PLCG2: variants seen among roughly 807,000 people sequenced by gnomAD.
PLCG2 encodes phospholipase C gamma 2.
In PLCG2, 69 loss-of-function variants were observed where a neutral mutation model predicts 175.6. The ratio of observed to expected loss-of-function variants is 0.39; its 90% confidence interval spans 0.32 to 0.48. The LOEUF is 0.48. PLCG2 is among the 20% of genes least tolerant of loss of function. PLCG2 has a pLI of 0.91. For missense variants in PLCG2, 1,798 were observed against 1,650.9 expected, an observed-to-expected ratio of 1.09 and a Z score of -1.54; for synonymous variants, 827 against 624.0, an observed-to-expected ratio of 1.33 and a Z score of -4.85.
At chr16:81,927,703 G>A (rs532175160) in intron 23 of PLCG2, among the ~76,000 whole-genome samples, 2 of 152,142 alleles carry the variant, frequency 1.3e-5, no homozygotes, top group African/African-American at 2.4e-5. Flanking sequence ...TTAAGATCCC[G>A]TTAGACCCCC....
chr16:81,827,616 AT>A (rs1054384350), intron 2 of PLCG2, among the ~76,000 whole-genome samples: 1 of 152,138 alleles, frequency 6.6e-6, no homozygotes, highest in African/African-American at 2.4e-5. Context: ...ACAAATGACA[AT>A]AAACACAGGC....
chr16:81,809,356 T>G (rs1904298603), intron 2 of PLCG2, among the ~76,000 whole-genome samples: 2 of 152,122 alleles, frequency 1.3e-5, no homozygotes, highest in African/African-American at 2.4e-5. Context: ...CCCAGCTCCC[T>G]CACCCTCAGT....
upstream of PLCG2, among the ~76,000 whole-genome samples, chr16:81,776,082 TCTCTC>T (rs1567456691): frequency 3.8e-4 from 5 of 13,040 alleles, 1 homozygote; most frequent in Non-Finnish European, 8.4e-4. Context: ...TTTCTCTCTC[TCTCTC>T]TCTTTCTTTC....
intron 2 of PLCG2, among the ~76,000 whole-genome samples, chr16:81,847,115 C>A (rs930223080): frequency 6.6e-6 from 1 of 152,180 alleles, no homozygotes; most frequent in South Asian, 2.1e-4. Flanking sequence ...GTTCCAATAA[C>A]CCACTCCTTG....
At chr16:81,853,586 T>G (rs1906531025) in intron 2 of PLCG2, among the ~76,000 whole-genome samples, 1 of 152,180 alleles carries the variant, frequency 6.6e-6, no homozygotes, top group Non-Finnish European at 1.5e-5. Context: ...CACCGTAGGG[T>G]TTGCGCCCCT....
intron 2 of PLCG2, among the ~76,000 whole-genome samples, chr16:81,845,709 C>A (rs1005562383): frequency 4.6e-5 from 7 of 152,328 alleles, no homozygotes; most frequent in African/African-American, 1.7e-4. Context: ...GCTCTGCACC[C>A]CTGTGGGTAG....
At position 81,900,466 on chromosome 16, in the gene PLCG2, C is replaced by A. The variant is rs900030100; in HGVS notation, c.1194-146C>A. 28 of 612,370 alleles carry A rather than the reference C, an allele frequency of 4.6e-5. 1 individual carries two copies. Among genetic ancestry groups the A allele is most frequent in the Middle Eastern group, 9.4e-4 (2 of 2,126 alleles). 37.9% of individuals were successfully genotyped at this position (612,370 alleles called of 1,614,324 possible). A position where few individuals can be genotyped will look rare whatever the true frequency, so the allele number is the denominator to read the frequency against. On this transcript the variant is annotated intron_variant, in intron 13 of 32. Transcript: ENST00000564138. ...CTTCACACCCAGGATGAGGTCCTCT[C>A]CTTCTGGGAGGGCAGATGTGGGGGT...
At chr16:81,745,601 T>A (rs1033407950) in intron 1 of PLCG2, among the ~76,000 whole-genome samples, 4 of 152,188 alleles carry the variant, frequency 2.6e-5, no homozygotes, top group Non-Finnish European at 5.9e-5. Context: ...TGTAGTTGGC[T>A]CCTGGGGATA....
At chr16:81,807,001 T>C (rs1904284264) in intron 2 of PLCG2, among the ~76,000 whole-genome samples, 1 of 152,142 alleles carries the variant, frequency 6.6e-6, no homozygotes, top group Non-Finnish European at 1.5e-5. Flanking sequence ...GGATGACGGA[T>C]GACTGATATG....
At chr16:81,868,876 C>T (rs2143525635) in intron 5 of PLCG2, among the ~76,000 whole-genome samples, 1 of 152,260 alleles carries the variant, frequency 6.6e-6, no homozygotes. Context: ...AGTGTAGGTG[C>T]CTCCTCATTG....
chr16:81,830,096 GA>G (rs1451603333), intron 2 of PLCG2, among the ~76,000 whole-genome samples: 15 of 152,008 alleles, frequency 9.9e-5, no homozygotes, highest in Admixed American at 5.9e-4. Context: ...GAGGCAGGGG[GA>G]TCACTTGAGC....
chr16:81,892,503 T>C (rs1908683849), intron 11 of PLCG2, among the ~76,000 whole-genome samples: 1 of 151,898 alleles, frequency 6.6e-6, no homozygotes, highest in African/African-American at 2.4e-5. Flanking sequence ...TATGGTGTTA[T>C]GCTCCAGGCA....
chr16:81,862,227 G>A (rs1907018629), intron 5 of PLCG2, among the ~76,000 whole-genome samples: 1 of 152,240 alleles, frequency 6.6e-6, no homozygotes, highest in Admixed American at 6.5e-5. Context: ...GAGGGGGCAG[G>A]CTCAGGGCTG....
At chr16:81,748,278 T>C (rs1004036239) in intron 1 of PLCG2, among the ~76,000 whole-genome samples, 1 of 152,074 alleles carries the variant, frequency 6.6e-6, no homozygotes, top group African/African-American at 2.4e-5. Flanking sequence ...TAATCCCAGC[T>C]ACTCAGGAGG....
chr16:81,936,775 C>T (rs1910732581), intron 27 of PLCG2, among the ~76,000 whole-genome samples: 1 of 152,216 alleles, frequency 6.6e-6, no homozygotes, highest in Admixed American at 6.5e-5. Flanking sequence ...ACACAAACTT[C>T]TGGACACAAA....
chr16:81,927,640 C>T (rs1156548018), intron 23 of PLCG2, among the ~76,000 whole-genome samples: 1 of 152,122 alleles, frequency 6.6e-6, no homozygotes, highest in Non-Finnish European at 1.5e-5. Flanking sequence ...AGAGAGCAGC[C>T]ACTTTCAGCG....
At chr16:81,929,736 G>C (rs993530723) in intron 24 of PLCG2, among the ~76,000 whole-genome samples, 1 of 152,204 alleles carries the variant, frequency 6.6e-6, no homozygotes, top group African/African-American at 2.4e-5. Flanking sequence ...CCTTTACAAT[G>C]ATCCAGCAGG....
At chr16:81,794,734 T>C (rs996332510) in intron 2 of PLCG2, among the ~76,000 whole-genome samples, 2 of 152,246 alleles carry the variant, frequency 1.3e-5, no homozygotes, top group African/African-American at 4.8e-5. Flanking sequence ...TATTTTTTGC[T>C]CTTGCTGTCG....
Position 81,828,623 on chromosome 16 carries a change from C to T in PLCG2, c.194-25821C>T, listed in dbSNP as rs528534686. ...TGCAGTTTTGATCAGCGAGTCCTTGCGGGTCAGCAGAGGGTCTTGAGAAAA... is the reference window on the plus strand; with the variant it reads ...TGCAGTTTTGATCAGCGAGTCCTTGTGGGTCAGCAGAGGGTCTTGAGAAAA... On this transcript the variant is annotated intron_variant, in intron 2 of 32. Coordinates refer to ENST00000564138, the MANE Select transcript of PLCG2 (RefSeq NM_002661.5). Among the ~76,000 whole-genome samples the T allele has an allele frequency of 2.4e-4, 36 of 152,142 alleles. No individual in the cohort carries two copies. In the South Asian group the frequency reaches 6.6e-3, roughly 28 times the overall value.
Sources: allele counts gnomAD v4.1 joint callset (sites outside exome capture counted in the v4.1 genomes callset), GRCh38; gene constraint gnomAD v4.1.1; transcripts MANE v1.5; gene names NCBI Gene and HGNC (gene_info 2026-07-23, HGNC 2026-07-21).